The following MYBL2 variants were observed in gnomAD, a reference collection of about 807,000 sequenced individuals.
MYBL2 encodes MYB proto-oncogene like 2, also known as myb-related protein B.
MYBL2 carries 28 observed loss-of-function variants against 79.9 expected under a neutral mutation model. That is an observed-to-expected ratio of 0.35 (90% confidence interval 0.26 to 0.48). MYBL2 has a LOEUF of 0.48. MYBL2 is among the 20% of genes least tolerant of loss of function. MYBL2 has a pLI of 0.99. For missense variants in MYBL2, 735 were observed against 893.9 expected, an observed-to-expected ratio of 0.82 and a Z score of 2.27; for synonymous variants, 378 against 361.2, an observed-to-expected ratio of 1.05 and a Z score of -0.53.
At chr20:43,678,319 G>T (rs889512549) in intron 2 of MYBL2, among the ~76,000 whole-genome samples, 39 of 48,832 alleles carry the variant, frequency 8.0e-4, no homozygotes, top group African/African-American at 2.2e-3. Flanking sequence ...AATAAAGAAA[G>T]AAAGAAAGAA....
intron 3 of MYBL2, among the ~76,000 whole-genome samples, chr20:43,682,198 T>G (rs2145714256): frequency 6.6e-6 from 1 of 152,338 alleles, no homozygotes; most frequent in African/African-American, 2.4e-5. Flanking sequence ...GGGGAAGTGA[T>G]GCTTTCAGCA....
chr20:43,674,234 C>CACT (rs33986259), intron 2 of MYBL2, among the ~76,000 whole-genome samples: 2 of 72,230 alleles, frequency 2.8e-5, no homozygotes, highest in African/African-American at 8.5e-5. Context: ...TCCCCCCACC[C>CACT]TTTTTTTTTT....
At chr20:43,679,783 T>A (rs1186498438) in intron 2 of MYBL2, among the ~76,000 whole-genome samples, 1 of 151,898 alleles carries the variant, frequency 6.6e-6, no homozygotes, top group Non-Finnish European at 1.5e-5. Context: ...TGGTGGTGTG[T>A]GTCTGTGGTC....
Position 43,713,029 on chromosome 20 carries a change from C to A in MYBL2, c.1747C>A (p.Arg583=). Residue 583 remains arginine, a synonymous_variant, in exon 12 of 14, where the codon CGG becomes AGG. Transcript: ENST00000217026. ...GCGGCGGAGCCCCATCAAGAAAGTC[C>A]GGAAGTCTCTGGCTCTTGACATTGT... is the stretch of plus-strand genomic sequence containing the variant. ...GLRRSPIKKV[R]KSLALDIVDE... 1 of 1,612,788 alleles carries A rather than the reference C, an allele frequency of 6.2e-7. No homozygotes were observed. Among genetic ancestry groups the A allele is most frequent in the Non-Finnish European group, 8.5e-7 (1 of 1,179,478 alleles).
rs73116559 is a variant in MYBL2, at chr20:43,691,521, C to G, written c.501-636C>G. On this transcript the variant is annotated intron_variant, in intron 5 of 13. Coordinates refer to ENST00000217026, the MANE Select transcript of MYBL2 (RefSeq NM_002466.4). ...GTGCCAGGATTACAGGCGTGAGCCACTGTTCCTGGTCTTATATATACATTT... is the reference window on the plus strand; with the variant it reads ...GTGCCAGGATTACAGGCGTGAGCCAGTGTTCCTGGTCTTATATATACATTT... Among the ~76,000 whole-genome samples the G allele has an allele frequency of 7.1e-3, 1,066 of 149,330 alleles. 2 individuals carry two copies. The highest frequency in any genetic ancestry group is 0.011 in the Non-Finnish European group (737 of 67,652).
chr20:43,696,427 G>A (rs182618434), intron 6 of MYBL2, among the ~76,000 whole-genome samples: 1 of 115,176 alleles, frequency 8.7e-6, no homozygotes, highest in Non-Finnish European at 1.8e-5. Flanking sequence ...CTCCATGTTG[G>A]TCAGGCTGGT....
intron 4 of MYBL2, 148 bp downstream of exon 4, chr20:43,683,034 C>A: frequency 1.4e-6 from 1 of 723,154 alleles, no homozygotes; most frequent in Admixed American, 2.2e-5. Flanking sequence ...CACTCTTATG[C>A]TGCCCTGGCT....
At chr20:43,690,421 G>T (rs981638701) in intron 5 of MYBL2, among the ~76,000 whole-genome samples, 2 of 152,108 alleles carry the variant, frequency 1.3e-5, no homozygotes, top group African/African-American at 4.8e-5. Context: ...GGCCAGGCTG[G>T]TGTTGAACTC....
At chr20:43,680,729 G>A (rs1987123644) in intron 2 of MYBL2, among the ~76,000 whole-genome samples, 2 of 152,112 alleles carry the variant, frequency 1.3e-5, no homozygotes, top group Admixed American at 1.3e-4. Context: ...CCCTGACCTC[G>A]TGATCTGCCC....
intron 7 of MYBL2, among the ~76,000 whole-genome samples, chr20:43,702,020 A>G (rs1392539058): frequency 6.6e-6 from 1 of 152,162 alleles, no homozygotes; most frequent in Non-Finnish European, 1.5e-5. Flanking sequence ...CCAGCTACTC[A>G]GGAGGCTGAG....
Position 43,699,887 on chromosome 20 carries a change from G to C in MYBL2, c.794G>C (p.Arg265Pro), listed in dbSNP as rs768837790. 1.9e-6 allele frequency: 3 copies of C among 1,613,898 alleles called. No individual in the cohort carries two copies. The highest frequency in any genetic ancestry group is 2.5e-6 in the Non-Finnish European group (3 of 1,179,976). Residue 265 changes from arginine to proline, a missense_variant, in exon 7 of 14, where the codon CGA (arginine) becomes CCA (proline). Arg to Pro is a moderately radical substitution (Grantham distance 103). This residue lies in a region of MYBL2 where 144 missense variants were observed against 131.9 expected (regional missense o/e 1.09). Transcript: ENST00000217026. ...EPIGTDLDAVRTPEPLEEFPK... is the reference protein window; with the variant it reads ...EPIGTDLDAVPTPEPLEEFPK... ...ATCGGTACAGATCTGGACGCAGTGCGAACACCAGAGCCCTTGGAGGAATTC... is the reference window on the plus strand; with the variant it reads ...ATCGGTACAGATCTGGACGCAGTGCCAACACCAGAGCCCTTGGAGGAATTC...
chr20:43,706,325 G>T (rs1600563169), intron 9 of MYBL2, among the ~76,000 whole-genome samples: 1 of 152,144 alleles, frequency 6.6e-6, no homozygotes, highest in South Asian at 2.1e-4. Flanking sequence ...GACATTTTCT[G>T]TCTGGAAGCC....
At chr20:43,697,068 A>T (rs555183369) in intron 6 of MYBL2, among the ~76,000 whole-genome samples, 2 of 152,212 alleles carry the variant, frequency 1.3e-5, no homozygotes, top group Non-Finnish European at 2.9e-5. Flanking sequence ...AATAGTGTGG[A>T]CATTTGAAGT....
chr20:43,715,388 T>C, intron 13 of MYBL2, 105 bp downstream of exon 13: 1 of 1,546,344 alleles, frequency 6.5e-7, no homozygotes, highest in Non-Finnish European at 8.7e-7. Context: ...CCTTCTTAGC[T>C]CAGGGCCTTT....
intron 11 of MYBL2, 71 bp downstream of exon 11, chr20:43,711,672 G>A: frequency 7.1e-7 from 1 of 1,411,330 alleles, no homozygotes. Context: ...GGCGTCTGGG[G>A]ACAGGTTGTA....
intron 1 of MYBL2, among the ~76,000 whole-genome samples, chr20:43,671,893 T>C (rs1032526266): frequency 4.6e-5 from 7 of 151,554 alleles, no homozygotes; most frequent in African/African-American, 7.3e-5. Context: ...TTTTTTTTTT[T>C]CCCCTACAGC....
chr20:43,713,064 T>A lies in MYBL2; in HGVS notation c.1782T>A (p.Asp594Glu). Residue 594 changes from aspartate (D) to glutamate (E), a missense_variant, in exon 12 of 14, where the codon GAT (aspartate) becomes GAA (glutamate). This residue lies in a region of MYBL2 where 204 missense variants were observed against 202.9 expected (regional missense o/e 1.01). Transcript: ENST00000217026. Reference protein sequence around the residue: ...KSLALDIVDEDVKLMMSTLPK... With the variant: ...KSLALDIVDEEVKLMMSTLPK... The stretch of plus-strand genomic sequence containing the variant: ...TGGCTCTTGACATTGTGGATGAGGA[T>A]GTGAAGCTGATGATGTCCACACTGC... 1 of 1,613,458 alleles carries A rather than the reference T, an allele frequency of 6.2e-7. No individual in the cohort carries two copies. The highest frequency in any genetic ancestry group is 8.5e-7 in the Non-Finnish European group (1 of 1,179,764).
At position 43,702,712 on chromosome 20, in the gene MYBL2, A is replaced by G; in HGVS notation, c.1174A>G (p.Ile392Val). The G allele has an allele frequency of 6.2e-7, 1 of 1,613,610 alleles. No homozygotes were observed. Among genetic ancestry groups the G allele is most frequent in the Non-Finnish European group, 8.5e-7 (1 of 1,179,658 alleles). ...SRSSRGELIP[I>V]SPSTEVGGSG... ...GAGCAGCCGGGGCGAGCTGATCCCC[A>G]TCTCCCCCAGCACTGAAGTCGGGGG... Residue 392 changes from isoleucine (I) to valine (V), a missense_variant, in exon 8 of 14, where the codon ATC becomes GTC. Ile to Val is a conservative substitution (Grantham distance 29, BLOSUM62 3). This residue lies in a region of MYBL2 where 243 missense variants were observed against 327.2 expected (regional missense o/e 0.74). Coordinates refer to ENST00000217026, the MANE Select transcript of MYBL2 (RefSeq NM_002466.4).
chr20:43,702,592 C>G lies in MYBL2; in HGVS notation c.1054C>G (p.Gln352Glu). The G allele has an allele frequency of 6.2e-7, 1 of 1,614,208 alleles. No homozygotes were observed. Among genetic ancestry groups the G allele is most frequent in the Non-Finnish European group, 8.5e-7 (1 of 1,180,042 alleles). The change falls in exon 8 of 14, where the codon CAG becomes GAG. Residue 352 changes from glutamine (Q) to glutamate (E), a missense_variant. Physicochemically the swap from Gln to Glu is conservative, Grantham distance 29. Transcript: ENST00000217026. ...CCTAGTGCAGCTGCAAGCGTCACAT[C>G]AGCAGCAAGTCCTGCCACCCCGCCA... ...NSLVQLQASH[Q>E]QQVLPPRQPS...
Sources: allele counts gnomAD v4.1 joint callset (sites outside exome capture counted in the v4.1 genomes callset), GRCh38; gene constraint gnomAD v4.1.1; regional missense constraint gnomAD v4.1.1; transcripts MANE v1.5; gene names NCBI Gene and HGNC (gene_info 2026-07-23, HGNC 2026-07-21).